The following ADGRL2 variants were observed in gnomAD, a reference collection of about 807,000 sequenced individuals.
The protein encoded by ADGRL2 is calcium-independent alpha-latrotoxin receptor 2.
In ADGRL2, 44 loss-of-function variants were observed where a neutral mutation model predicts 157.4. The ratio of observed to expected loss-of-function variants is 0.28; its 90% confidence interval spans 0.22 to 0.36. ADGRL2 has a LOEUF of 0.36. ADGRL2 is among the 10% of genes least tolerant of loss of function. The probability of loss-of-function intolerance (pLI) is 1.00; values close to 1 mark genes in which losing one functional copy is unlikely to be tolerated. For synonymous variants in ADGRL2, 585 were observed against 624.7 expected (o/e 0.94, Z 0.95); for missense variants, 1,510 against 1,768.9 (o/e 0.85, Z 2.63).
Position 81,858,248 on chromosome 1 carries a change from G to C in ADGRL2, c.73+21191G>C, listed in dbSNP as rs544595010. ...ACATAAAATTTGAAATTCTGTAAAA[G>C]GTACATCAAAATAAGGAAAGCCAGA... On this transcript the variant is annotated intron_variant, in intron 2 of 23. Transcript: ENST00000686636. Among the ~76,000 whole-genome samples the C allele has an allele frequency of 2.0e-5, 3 of 152,158 alleles. No homozygotes were observed. In the South Asian group the frequency reaches 6.2e-4, roughly 32 times the overall value.
chr1:81,590,030 T>C (rs773672180), intron 3 of ADGRL2, among the ~76,000 whole-genome samples: 5 of 152,174 alleles, frequency 3.3e-5, no homozygotes, highest in Non-Finnish European at 7.3e-5. Flanking sequence ...TCATATCTTA[T>C]ATCTACCAAT....
chr1:81,463,411 CT>C (rs1169486696), intron 2 of ADGRL2, among the ~76,000 whole-genome samples: 1 of 152,066 alleles, frequency 6.6e-6, no homozygotes, highest in East Asian at 1.9e-4. Flanking sequence ...AATATAAATC[CT>C]CCTTGCTAAA....
intron 1 of ADGRL2, among the ~76,000 whole-genome samples, chr1:81,801,846 T>G (rs1344161446): frequency 1.3e-5 from 2 of 152,100 alleles, no homozygotes; most frequent in Non-Finnish European, 2.9e-5. Context: ...GGCTTTTGCT[T>G]CCACCACCCC....
At chr1:81,556,052 G>T (rs1265303422) in intron 2 of ADGRL2, among the ~76,000 whole-genome samples, 1 of 150,818 alleles carries the variant, frequency 6.6e-6, no homozygotes, top group South Asian at 2.1e-4. Flanking sequence ...AAAGAAGTCA[G>T]CATCAACCTA....
intron 2 of ADGRL2, among the ~76,000 whole-genome samples, chr1:81,564,387 G>C (rs2080512691): frequency 1.3e-5 from 2 of 152,182 alleles, no homozygotes; most frequent in Admixed American, 1.3e-4. Context: ...CGCAAGGTTA[G>C]ACCGGAGGAG....
intron 3 of ADGRL2, among the ~76,000 whole-genome samples, chr1:81,919,649 T>G (rs543230039): frequency 6.6e-6 from 1 of 152,208 alleles, no homozygotes; most frequent in African/African-American, 2.4e-5. Context: ...ATTCTGTAAT[T>G]TTTTTCATAC....
At chr1:81,678,020 C>T (rs1429239279) in intron 3 of ADGRL2, among the ~76,000 whole-genome samples, 1 of 152,096 alleles carries the variant, frequency 6.6e-6, no homozygotes, top group East Asian at 1.9e-4. Context: ...TATTTCCCAC[C>T]CTCTGACTGT....
intron 3 of ADGRL2, among the ~76,000 whole-genome samples, chr1:81,626,983 C>G (rs1016465104): frequency 6.6e-6 from 1 of 152,066 alleles, no homozygotes; most frequent in African/African-American, 2.4e-5. Context: ...TAGACATGCT[C>G]TTTTTGCTTC....
At chr1:81,693,926 G>C (rs1389993765) in intron 3 of ADGRL2, among the ~76,000 whole-genome samples, 1 of 152,142 alleles carries the variant, frequency 6.6e-6, no homozygotes, top group African/African-American at 2.4e-5. Flanking sequence ...GGCCCTGGAG[G>C]TAAGCAGATA....
At chr1:81,912,655 G>A (rs771519300) in intron 3 of ADGRL2, among the ~76,000 whole-genome samples, 7 of 151,466 alleles carry the variant, frequency 4.6e-5, no homozygotes, top group Non-Finnish European at 7.4e-5. Flanking sequence ...TTGAGGAGCA[G>A]AGGTAAAATT....
chr1:81,744,024 T>C (rs2085161803), intron 1 of ADGRL2, among the ~76,000 whole-genome samples: 2 of 152,066 alleles, frequency 1.3e-5, no homozygotes, highest in South Asian at 4.1e-4. Flanking sequence ...TAAGATTGGA[T>C]ATAAATGGTG....
At chr1:81,533,673 A>G (rs1322659939) in intron 2 of ADGRL2, among the ~76,000 whole-genome samples, 2 of 152,236 alleles carry the variant, frequency 1.3e-5, no homozygotes, top group Non-Finnish European at 2.9e-5. Flanking sequence ...AACAATCTTA[A>G]TATCAGCTAC....
intron 3 of ADGRL2, among the ~76,000 whole-genome samples, chr1:81,677,016 C>T (rs1425712348): frequency 1.5e-5 from 2 of 137,604 alleles, no homozygotes; most frequent in Admixed American, 7.3e-5. Context: ...TTCAGAGTTT[C>T]GCTCTTGTTG....
At chr1:81,461,101 A>G (rs1303501890) in intron 2 of ADGRL2, among the ~76,000 whole-genome samples, 2 of 151,956 alleles carry the variant, frequency 1.3e-5, no homozygotes. Flanking sequence ...CATAATCCAG[A>G]TGTCTTTTCC....
In ADGRL2 at chr1:81,990,425, C is replaced by A. The variant is rs1664368512; in HGVS notation, c.3690C>A (p.Ala1230=). ...TGAACAATGCCAGGGATACAAGTGCCATGGATACTCTACCGCTAAATGGTA... is the reference window on the plus strand; with the variant it reads ...TGAACAATGCCAGGGATACAAGTGCAATGGATACTCTACCGCTAAATGGTA... The part of the protein sequence containing the change: ...HSLNNARDTS[A]MDTLPLNGNF... The change falls in exon 24 of 24, where the codon GCC becomes GCA. Residue 1230 remains alanine (A), a synonymous_variant. Coordinates refer to ENST00000686636, the MANE Select transcript of ADGRL2 (RefSeq NM_001366006.2). 2 of 1,613,886 alleles carry A rather than the reference C, an allele frequency of 1.2e-6. No individual in the cohort carries two copies. The highest frequency in any genetic ancestry group is 1.7e-6 in the Non-Finnish European group (2 of 1,179,924).
chr1:81,502,241 A>G (rs2078869142), intron 2 of ADGRL2: 4 of 1,611,530 alleles, frequency 2.5e-6, no homozygotes, highest in South Asian at 1.1e-5. Flanking sequence ...ACAACAAGCT[A>G]AAGAAGACCA....
Position 81,991,419 on chromosome 1 carries a change from A to G in ADGRL2, c.*274A>G. Reference sequence around the variant, plus strand: ...TTAAGATTCTGCTGCTGTTTAGAGAAATTGTGAAACAAGCAAAACAAAACT... The same window carrying G: ...TTAAGATTCTGCTGCTGTTTAGAGAGATTGTGAAACAAGCAAAACAAAACT... On this transcript the variant is annotated 3_prime_UTR_variant, in exon 24 of 24. Coordinates refer to ENST00000686636, the MANE Select transcript of ADGRL2 (RefSeq NM_001366006.2). 3.7e-6 allele frequency: 1 copy of G among 270,806 alleles called. No homozygotes were observed. Among genetic ancestry groups the G allele is most frequent in the Non-Finnish European group, 7.0e-6 (1 of 142,266 alleles). 16.8% of individuals were successfully genotyped at this position (270,806 alleles called of 1,614,324 possible).
intron 2 of ADGRL2, among the ~76,000 whole-genome samples, chr1:81,888,509 G>T (rs919983721): frequency 6.6e-6 from 1 of 151,906 alleles, no homozygotes; most frequent in Non-Finnish European, 1.5e-5. Context: ...GTGCAATCTC[G>T]CTCACTGCAA....
chr1:81,414,818 C>A (rs1340727383), intron 1 of ADGRL2, among the ~76,000 whole-genome samples: 1 of 152,166 alleles, frequency 6.6e-6, no homozygotes, highest in African/African-American at 2.4e-5. Context: ...TTATGTTAGG[C>A]ATTATTGTCA....
Sources: gnomAD v4.1 joint callset for allele counts (sites outside exome capture counted in the v4.1 genomes callset) on GRCh38, gnomAD v4.1.1 for gene constraint, MANE v1.5 for transcripts, NCBI Gene and HGNC (gene_info 2026-07-23, HGNC 2026-07-21) for gene names.